The following PLCG2 variants were observed in gnomAD, a reference collection of about 807,000 sequenced individuals.
The protein encoded by PLCG2 is 1-phosphatidylinositol 4,5-bisphosphate phosphodiesterase gamma-2.
A neutral mutation model predicts 175.6 loss-of-function variants in PLCG2; 69 were observed. The ratio of observed to expected loss-of-function variants is 0.39; its 90% confidence interval spans 0.32 to 0.48. The LOEUF (loss-of-function observed/expected upper bound fraction) is 0.48. Among genes scored for constraint, PLCG2 ranks in the 20% least tolerant of loss-of-function variants. The pLI is 0.91. For missense variants in PLCG2, 1,798 were observed against 1,650.9 expected, an observed-to-expected ratio of 1.09 and a Z score of -1.54; for synonymous variants, 827 against 624.0, an observed-to-expected ratio of 1.33 and a Z score of -4.85.
At chr16:81,800,026 C>T (rs1434078770) in intron 2 of PLCG2, among the ~76,000 whole-genome samples, 1 of 152,168 alleles carries the variant, frequency 6.6e-6, no homozygotes, top group East Asian at 1.9e-4. Context: ...CCATTTGTGG[C>T]CATGGACAAG....
chr16:81,947,500 C>T (rs1688935457), intron 31 of PLCG2, among the ~76,000 whole-genome samples: 1 of 152,216 alleles, frequency 6.6e-6, no homozygotes, highest in Non-Finnish European at 1.5e-5. Flanking sequence ...TCCTTAATGC[C>T]CACGGTCATA....
At chr16:81,923,227 T>TAACTCCTAACCCCTAACCCTTAACCCC (rs1910128287) in intron 21 of PLCG2, among the ~76,000 whole-genome samples, 1 of 144,218 alleles carries the variant, frequency 6.9e-6, no homozygotes, top group African/African-American at 2.6e-5. Context: ...CCCCAAACCC[T>TAACTCCTAACCCCTAACCCTTAACCCC]AACTCCTAAC....
intron 1 of PLCG2, among the ~76,000 whole-genome samples, chr16:81,741,713 A>G (rs1208765805): frequency 6.6e-6 from 1 of 152,164 alleles, no homozygotes; most frequent in Admixed American, 6.5e-5. Flanking sequence ...TGGGAGGCTG[A>G]GGCAAGAGAA....
rs1567454982 is a variant in PLCG2 at position 81,771,067 on chromosome 16, A to AT, written c.-47-14876_-47-14875insT. Among the ~76,000 whole-genome samples the AT allele has an allele frequency of 2.5e-3, 262 of 104,708 alleles. 1 individual carries two copies. The highest frequency in any genetic ancestry group is 6.7e-3 in the African/African-American group (213 of 32,016). The allele number at this position is 104,708 out of a possible 152,430, so 68.7% of individuals were successfully genotyped here. A position where few individuals can be genotyped will look rare whatever the true frequency, so the allele number is the denominator to read the frequency against. On this transcript the variant is annotated intron_variant, in intron 2 of 5. Transcript: ENST00000565054. ...AGCGAGACTCCATCTCAAAAAAAAA[A>AT]AAAAATAAATAAATAAATAAAAGGC...
At chr16:81,853,330 C>CAA (rs10579049) in intron 2 of PLCG2, among the ~76,000 whole-genome samples, 25 of 144,118 alleles carry the variant, frequency 1.7e-4, no homozygotes, top group Non-Finnish European at 2.3e-4. Context: ...GATTCTGTCT[C>CAA]AAAAAAAAAA....
chr16:81,812,778 G>GT (rs1904373691), intron 2 of PLCG2, among the ~76,000 whole-genome samples: 3 of 152,190 alleles, frequency 2.0e-5, no homozygotes, highest in East Asian at 1.9e-4. Context: ...TATTGCCTAG[G>GT]TTTTTTTCTA....
intron 2 of PLCG2, among the ~76,000 whole-genome samples, chr16:81,801,424 T>C (rs1293133055): frequency 6.6e-6 from 1 of 152,148 alleles, no homozygotes; most frequent in East Asian, 1.9e-4. Context: ...ACTTGCATGT[T>C]TTTGCTTGAC....
Position 81,882,586 on chromosome 16 carries a change from C to T in PLCG2, c.693-683C>T, listed in dbSNP as rs867450572. Among the ~76,000 whole-genome samples, 3 of 152,204 alleles carry T rather than the reference C, an allele frequency of 2.0e-5. No individual in the cohort carries two copies. The South Asian group carries it at 6.2e-4, about 32-fold the overall frequency. ...GGCACACTCACATCCCTGTGTTCCC[C>T]ACACCTTTTGCTCTGCAATCCCTCC... On this transcript the variant is annotated intron_variant, in intron 8 of 32. Transcript: ENST00000564138.
chr16:81,816,151 A>G (rs983654797), intron 2 of PLCG2, among the ~76,000 whole-genome samples: 6 of 152,030 alleles, frequency 3.9e-5, no homozygotes, highest in Non-Finnish European at 8.8e-5. Flanking sequence ...CAGGAGGATC[A>G]CTTGAGGTCA....
upstream of PLCG2, among the ~76,000 whole-genome samples, chr16:81,774,698 G>A (rs1240025841): frequency 6.6e-6 from 1 of 152,074 alleles, no homozygotes; most frequent in East Asian, 1.9e-4. Context: ...AGGTGGTGGT[G>A]GAGGAGGGGA....
chr16:81,909,587 T>G (rs78129236), intron 17 of PLCG2, among the ~76,000 whole-genome samples: 5,062 of 152,248 alleles, frequency 0.033, 243 homozygotes, highest in African/African-American at 0.11. Flanking sequence ...TGAATAACTT[T>G]TAAATTTTTT....
At chr16:81,808,201 T>A (rs1904290639) in intron 2 of PLCG2, among the ~76,000 whole-genome samples, 1 of 152,226 alleles carries the variant, frequency 6.6e-6, no homozygotes, top group Admixed American at 6.5e-5. Flanking sequence ...ATTTAAGCAT[T>A]TGTGACTACA....
At chr16:81,957,762 A>G (rs1272177868) in intron 32 of PLCG2, among the ~76,000 whole-genome samples, 194 bp from the exon 33 acceptor site, 1 of 151,972 alleles carries the variant, frequency 6.6e-6, no homozygotes, top group Non-Finnish European at 1.5e-5. Context: ...ACTCTGTTTT[A>G]CCATTGAGGA....
chr16:81,786,566 T>C (rs1910981628), intron 2 of PLCG2, among the ~76,000 whole-genome samples: 1 of 152,206 alleles, frequency 6.6e-6, no homozygotes, highest in Non-Finnish European at 1.5e-5. Context: ...CATAGCTTGG[T>C]CGCCAAATGC....
At chr16:81,946,039 A>C in intron 30 of PLCG2, 136 bp from the exon 31 acceptor site, 1 of 695,880 alleles carries the variant, frequency 1.4e-6, no homozygotes, top group South Asian at 1.7e-5. Flanking sequence ...GGCTTCCACA[A>C]AGTCAGCCCC....
At chr16:81,860,973 T>C (rs1199813062) in intron 5 of PLCG2, among the ~76,000 whole-genome samples, 2 of 151,784 alleles carry the variant, frequency 1.3e-5, no homozygotes, top group Non-Finnish European at 2.9e-5. Flanking sequence ...CAAGACTCCG[T>C]CTCAAAAAAG....
At chr16:81,883,026 G>C (rs962452202) in intron 8 of PLCG2, among the ~76,000 whole-genome samples, 1 of 152,142 alleles carries the variant, frequency 6.6e-6, no homozygotes, top group Non-Finnish European at 1.5e-5. Context: ...TTTTGGAGCA[G>C]CTAAATGTAG....
At chr16:81,900,501 C>T (rs1424030798) in intron 13 of PLCG2, 111 bp from the exon 14 acceptor site, 29 of 944,228 alleles carry the variant, frequency 3.1e-5, no homozygotes, top group African/African-American at 6.7e-5. Flanking sequence ...TTGTGCCCCC[C>T]GAGCAGCGCC....
chr16:81,924,031 A>T (rs1597135106), intron 22 of PLCG2, among the ~76,000 whole-genome samples: 1 of 152,344 alleles, frequency 6.6e-6, no homozygotes, highest in Non-Finnish European at 1.5e-5. Flanking sequence ...AATACACAAG[A>T]CTGTGTGTTA....
Sources: gnomAD v4.1 joint callset for allele counts (sites outside exome capture counted in the v4.1 genomes callset) on GRCh38, gnomAD v4.1.1 for gene constraint, MANE v1.5 for transcripts, NCBI Gene and HGNC (gene_info 2026-07-23, HGNC 2026-07-21) for gene names.